EFHC1: variants seen among roughly 807,000 people sequenced by gnomAD.
EFHC1 encodes the protein EF-hand domain containing 1.
EFHC1 carries 53 observed loss-of-function variants against 69.9 expected under a neutral mutation model. The ratio of observed to expected loss-of-function variants is 0.76; its 90% CI spans 0.61 to 0.95. EFHC1 has a LOEUF of 0.95. Ranked by LOEUF, EFHC1 falls within the 40% of genes least tolerant of loss-of-function variation. The pLI, the probability that EFHC1 is intolerant of heterozygous loss-of-function variation, is 0.00. For synonymous variants in EFHC1, 256 were observed against 278.4 expected (o/e 0.92, Z 0.80); for missense variants, 739 against 798.7 (o/e 0.93, Z 0.90).
chr6:52,495,049 T>C lies in EFHC1; in HGVS notation c.*2708T>C. ...AACTGCCCAGTGCACCACTCTCAGA[T>C]GGACGGGACCCAGTCTGTACCTGAT... On this transcript the variant is annotated 3_prime_UTR_variant, in exon 11 of 11. Coordinates refer to ENST00000371068, the MANE Select transcript of EFHC1 (RefSeq NM_018100.4). 1 of 454,098 alleles carries C rather than the reference T, an allele frequency of 2.2e-6. No individual in the cohort carries two copies. The highest frequency in any genetic ancestry group is 1.6e-5 in the South Asian group (1 of 64,474). 28.1% of individuals were successfully genotyped at this position (454,098 alleles called of 1,614,324 possible).
At chr6:52,431,207 T>C (rs985456096) in intron 2 of EFHC1, among the ~76,000 whole-genome samples, 22 of 152,198 alleles carry the variant, frequency 1.4e-4, no homozygotes, top group Non-Finnish European at 1.5e-5. Flanking sequence ...CATTTGTTTC[T>C]GCTTTGATCT....
At position 52,469,349 on chromosome 6, in the gene EFHC1, A is replaced by G. The variant is rs752254610; in HGVS notation, c.1154A>G (p.Asn385Ser). The G allele has an allele frequency of 1.9e-6, 3 of 1,613,970 alleles. No individual in the cohort carries two copies. Among genetic ancestry groups the G allele is most frequent in the Non-Finnish European group, 2.5e-6 (3 of 1,179,932 alleles). The change falls in exon 7 of 11, where the codon AAC becomes AGC. Residue 385 changes from asparagine to serine, a missense_variant. Coordinates refer to ENST00000371068, the MANE Select transcript of EFHC1 (RefSeq NM_018100.4). ...PPVKQELPPYNGFGLVEDSAQ... is the reference protein window; with the variant it reads ...PPVKQELPPYSGFGLVEDSAQ... ...TATCTCCAGGAGTTGCCTCCTTATA[A>G]CGGTTTTGGACTAGTGGAAGATTCT... is the stretch of plus-strand genomic sequence containing the variant.
chr6:52,462,280 T>TA (rs980766408), intron 5 of EFHC1, among the ~76,000 whole-genome samples: 34 of 151,464 alleles, frequency 2.2e-4, no homozygotes, highest in Admixed American at 7.2e-4. Context: ...CTTAAAACTC[T>TA]AAAAAAAAGA....
At chr6:52,470,328 C>A (rs1280216487) in intron 7 of EFHC1, among the ~76,000 whole-genome samples, 1 of 152,136 alleles carries the variant, frequency 6.6e-6, no homozygotes, top group Admixed American at 6.5e-5. Context: ...CTAGAACACT[C>A]TCCATAAGAA....
At chr6:52,466,915 C>G (rs775294767) in intron 6 of EFHC1, among the ~76,000 whole-genome samples, 2 of 152,046 alleles carry the variant, frequency 1.3e-5, no homozygotes, top group Non-Finnish European at 2.9e-5. Flanking sequence ...ATGATGTGTT[C>G]ATTGATTAAG....
At position 52,479,555 on chromosome 6, in the gene EFHC1, T is replaced by A; in HGVS notation, c.1493-85T>A. 3.2e-6 allele frequency: 5 copies of A among 1,583,224 alleles called. No homozygotes were observed. In the South Asian group the frequency reaches 5.6e-5, roughly 18 times the overall value. On this transcript the variant is annotated intron_variant, in intron 8 of 10. Transcript: ENST00000371068. ...CTGTCATAAATGCATACCTGTGAAT[T>A]TATCATTGGAGGGTTAATACTATTT...
intron 9 of EFHC1, among the ~76,000 whole-genome samples, chr6:52,481,145 T>G (rs1340457125): frequency 6.6e-6 from 1 of 152,078 alleles, no homozygotes; most frequent in Admixed American, 6.6e-5. Flanking sequence ...GTGGTCTGAT[T>G]TGGATGTATT....
chr6:52,460,042 T>C (rs1765130003), intron 5 of EFHC1, among the ~76,000 whole-genome samples: 1 of 152,184 alleles, frequency 6.6e-6, no homozygotes, highest in Admixed American at 6.5e-5. Flanking sequence ...TCTTGGGTAT[T>C]TGCCAAGAGA....
intron 8 of EFHC1, among the ~76,000 whole-genome samples, 166 bp from the exon 9 acceptor site, chr6:52,479,474 A>AATAC (rs1428457079): frequency 6.6e-6 from 1 of 152,208 alleles, no homozygotes; most frequent in Non-Finnish European, 1.5e-5. Context: ...AAGTTTTGTA[A>AATAC]ATACTGAGCA....
Position 52,454,282 on chromosome 6 carries a change from A to G in EFHC1, c.911A>G (p.Asn304Ser), listed in dbSNP as rs142107827. 51 of 1,614,122 alleles carry G rather than the reference A, an allele frequency of 3.2e-5. No homozygotes were observed. In the African/African-American group the frequency reaches 6.1e-4, roughly 19 times the overall value. Residue 304 changes from asparagine to serine, a missense_variant, in exon 5 of 11, where the codon AAT (asparagine) becomes AGT (serine). By Grantham distance (46) the Asn-to-Ser change is conservative (BLOSUM62 1). Coordinates refer to ENST00000371068, the MANE Select transcript of EFHC1 (RefSeq NM_018100.4). ...RQRVPKVLVE[N>S]AKNFPQCVLE... ...CGTGTGCCCAAAGTTTTGGTGGAAA[A>G]TGCAAGTATGTTTGATTCAGTTTAT...
rs1050784791 is a variant in EFHC1 at position 52,454,411 on chromosome 6, C to T, written c.916+124C>T. The T allele has an allele frequency of 1.1e-5, 13 of 1,183,280 alleles. No individual in the cohort carries two copies. In the East Asian group the frequency reaches 2.5e-4, roughly 23 times the overall value. 73.3% of individuals were successfully genotyped at this position (1,183,280 alleles called of 1,614,324 possible). A position where few individuals can be genotyped will look rare whatever the true frequency, so the allele number is the denominator to read the frequency against. ...CTCTAGCTATTTTTGCTTAGATGCT[C>T]AGAAAATGGCTTCCCACAGCTTTCC... is the stretch of plus-strand genomic sequence containing the variant. On this transcript the variant is annotated intron_variant, in intron 5 of 10. Coordinates refer to ENST00000371068, the MANE Select transcript of EFHC1 (RefSeq NM_018100.4).
chr6:52,479,571 A>G, intron 8 of EFHC1, 69 bp from the exon 9 acceptor site: 1 of 1,599,504 alleles, frequency 6.3e-7, no homozygotes, highest in Non-Finnish European at 8.6e-7. Flanking sequence ...TTGGAGGGTT[A>G]ATACTATTTT....
chr6:52,435,907 A>G (rs942805174), intron 2 of EFHC1, among the ~76,000 whole-genome samples: 4 of 152,228 alleles, frequency 2.6e-5, no homozygotes, highest in African/African-American at 9.6e-5. Context: ...CCTGAGAAGT[A>G]GCAAGATGTG....
chr6:52,478,182 A>C (rs1765585066), intron 7 of EFHC1, among the ~76,000 whole-genome samples: 1 of 151,788 alleles, frequency 6.6e-6, no homozygotes, highest in South Asian at 2.1e-4. Flanking sequence ...AGAACAAAAA[A>C]CCAAACACCG....
At chr6:52,484,246 G>C (rs986082413) in intron 9 of EFHC1, 2 of 152,094 alleles carry the variant, frequency 1.3e-5, no homozygotes, top group Admixed American at 1.3e-4. Context: ...TCCGGGTCTT[G>C]AGACACCTTT....
intron 2 of EFHC1, among the ~76,000 whole-genome samples, chr6:52,434,681 G>T (rs753615756): frequency 6.6e-6 from 1 of 152,130 alleles, no homozygotes; most frequent in Non-Finnish European, 1.5e-5. Flanking sequence ...CTGAGTGGGA[G>T]CTGCAATCTA....
rs919957632 is a variant in EFHC1 at position 52,493,469 on chromosome 6, A to G, written c.*1128A>G. On this transcript the variant is annotated 3_prime_UTR_variant, in exon 11 of 11. Transcript: ENST00000371068. ...GTGTATATATATTATGTATATACAT[A>G]TATGTGCACACATCTCTACTAAAAA... The G allele has an allele frequency of 2.0e-5, 8 of 395,704 alleles. No homozygotes were observed. The highest frequency in any genetic ancestry group is 3.4e-5 in the Non-Finnish European group (7 of 204,776). The allele number at this position is 395,704 out of a possible 1,614,324, so 24.5% of individuals were successfully genotyped here.
intron 2 of EFHC1, among the ~76,000 whole-genome samples, chr6:52,428,565 T>G (rs932643351): frequency 1.3e-5 from 2 of 152,128 alleles, no homozygotes; most frequent in Non-Finnish European, 2.9e-5. Context: ...ATATATCACA[T>G]TTTCTTTGTC....
At chr6:52,439,353 G>T (rs1293451801) in intron 3 of EFHC1, among the ~76,000 whole-genome samples, 1 of 152,102 alleles carries the variant, frequency 6.6e-6, no homozygotes, top group African/African-American at 2.4e-5. Flanking sequence ...ACCATGCACT[G>T]AGCTCCTATG....
Sources: allele counts gnomAD v4.1 joint callset (sites outside exome capture counted in the v4.1 genomes callset), GRCh38; gene constraint gnomAD v4.1.1; transcripts MANE v1.5; gene names NCBI Gene and HGNC (gene_info 2026-07-23, HGNC 2026-07-21).